Variants in EHD1 observed in about 807,000 individuals in gnomAD.
The protein encoded by EHD1 is EH domain-containing protein 1.
Under a neutral mutation model 39.0 loss-of-function variants are expected in EHD1, and 19 were observed. That is an observed-to-expected ratio of 0.49 (90% CI 0.34 to 0.72). The LOEUF is 0.72. EHD1 is among the 30% of genes least tolerant of loss of function. EHD1 has a pLI of 0.01. For synonymous variants in EHD1, 323 were observed against 331.2 expected, an observed-to-expected ratio of 0.98 and a Z score of 0.27; for missense variants, 542 against 751.5, an observed-to-expected ratio of 0.72 and a Z score of 3.26.
chr11:64,878,439 G>T lies in EHD1; in HGVS notation c.26C>A (p.Ala9Asp). The T allele has an allele frequency of 6.2e-7, 1 of 1,611,588 alleles. No individual in the cohort carries two copies. The highest frequency in any genetic ancestry group is 8.5e-7 in the Non-Finnish European group (1 of 1,179,264). The change falls in exon 1 of 5, where the codon GCC (alanine) becomes GAC (aspartate). Residue 9 changes from alanine to aspartate, a missense_variant. Coordinates refer to ENST00000320631, the MANE Select transcript of EHD1 (RefSeq NM_006795.4). MFSWVSKD[A>D]RRKKEPELFQ... ...GAGCTCCGGCTCCTTCTTGCGGCGG[G>T]CATCCTTGCTGACCCAGCTGAACAT... is the stretch of plus-strand genomic sequence containing the variant.
rs1260210131 is a variant in EHD1, at chr11:64,878,394, C to T, written c.71G>A (p.Gly24Glu). 1 of 1,613,974 alleles carries T rather than the reference C, an allele frequency of 6.2e-7. No individual in the cohort carries two copies. Among genetic ancestry groups the T allele is most frequent in the Non-Finnish European group, 8.5e-7 (1 of 1,180,018 alleles). ...CTTCTGCGCGTACAGCTGCCGCAGCCCCTCAGCCACCGTCTGGAAGAGCTC... is the reference window on the plus strand; with the variant it reads ...CTTCTGCGCGTACAGCTGCCGCAGCTCCTCAGCCACCGTCTGGAAGAGCTC... ...EPELFQTVAE[G>E]LRQLYAQKLL... Residue 24 changes from glycine (G) to glutamate (E), a missense_variant, in exon 1 of 5, where the codon GGG becomes GAG. Transcript: ENST00000320631.
intron 4 of EHD1, chr11:64,855,097 G>A: frequency 1.2e-6 from 1 of 859,150 alleles, no homozygotes; most frequent in Non-Finnish European, 1.7e-6. Context: ...GCCTGGCATG[G>A]CCCTGCCCTC....
Position 64,855,382 on chromosome 11 carries a change from C to G in EHD1, c.1020G>C (p.Gln340His). 1 of 1,614,182 alleles carries G rather than the reference C, an allele frequency of 6.2e-7. No individual in the cohort carries two copies. Among genetic ancestry groups the G allele is most frequent in the Non-Finnish European group, 8.5e-7 (1 of 1,180,026 alleles). Residue 340 changes from glutamine (Q) to histidine (H), a missense_variant, in exon 4 of 5, where the codon CAG (glutamine) becomes CAC (histidine). Gln to His is a conservative substitution (Grantham distance 24). Coordinates refer to ENST00000320631, the MANE Select transcript of EHD1 (RefSeq NM_006795.4). ...AGATCTGGTGCTCGCGCTCAATCTT[C>G]TGGTAGATCTCTCCGAGGTTGTTCA... ...ELVNNLGEIY[Q>H]KIEREHQISP...
chr11:64,874,605 G>A (rs1415421778), intron 1 of EHD1, 87 bp from the exon 2 acceptor site: 8 of 1,067,554 alleles, frequency 7.5e-6, no homozygotes, highest in South Asian at 5.6e-5. Flanking sequence ...GTACTCCTTC[G>A]CTCCATCTCT....
intron 2 of EHD1, among the ~76,000 whole-genome samples, chr11:64,861,673 T>G (rs1943718149): frequency 1.3e-5 from 2 of 152,074 alleles, no homozygotes; most frequent in South Asian, 2.1e-4. Flanking sequence ...ATCCATGGCT[T>G]CTTTTGTCTA....
chr11:64,877,932 G>C, intron 1 of EHD1, 129 bp downstream of exon 1: 1 of 955,760 alleles, frequency 1.0e-6, no homozygotes, highest in Non-Finnish European at 1.5e-6. Flanking sequence ...ACCAGGGAGT[G>C]GTCACTGAGG....
chr11:64,879,658 G>A (rs1247680780), upstream of EHD1: 9 of 1,550,668 alleles, frequency 5.8e-6, no homozygotes, highest in Admixed American at 5.9e-5. Context: ...CATCCTCCCC[G>A]GCCACACACA....
chr11:64,866,707 A>G (rs1345796074), intron 2 of EHD1, among the ~76,000 whole-genome samples: 1 of 151,760 alleles, frequency 6.6e-6, no homozygotes, highest in African/African-American at 2.4e-5. Flanking sequence ...AAGAAAAACT[A>G]CCTATCAGAT....
At chr11:64,861,626 A>C (rs1277735178) in intron 2 of EHD1, among the ~76,000 whole-genome samples, 1 of 152,028 alleles carries the variant, frequency 6.6e-6, no homozygotes, top group East Asian at 1.9e-4. Context: ...TTGTATAAAT[A>C]AAGTTTTATT....
chr11:64,867,514 T>A (rs565858202), intron 2 of EHD1, among the ~76,000 whole-genome samples: 77 of 151,224 alleles, frequency 5.1e-4, no homozygotes, highest in African/African-American at 1.7e-3. Flanking sequence ...AGGTCAAGAG[T>A]TCGAGACCAG....
chr11:64,864,911 G>A (rs1029854227), intron 2 of EHD1, among the ~76,000 whole-genome samples: 1 of 152,134 alleles, frequency 6.6e-6, no homozygotes, highest in African/African-American at 2.4e-5. Flanking sequence ...TGGCTGGGGG[G>A]CCCTGGGGAA....
At chr11:64,873,722 C>T (rs1943854507) in intron 2 of EHD1, among the ~76,000 whole-genome samples, 1 of 151,664 alleles carries the variant, frequency 6.6e-6, no homozygotes, top group African/African-American at 2.4e-5. Context: ...TGTCGCCCAG[C>T]CTGCAGTGCA....
intron 2 of EHD1, among the ~76,000 whole-genome samples, chr11:64,869,233 G>A (rs1277073888): frequency 6.6e-6 from 1 of 152,260 alleles, no homozygotes; most frequent in African/African-American, 2.4e-5. Context: ...CGCGGGCAGC[G>A]CCTGGTACGC....
chr11:64,865,098 C>G (rs937163552), intron 2 of EHD1, among the ~76,000 whole-genome samples: 1 of 152,246 alleles, frequency 6.6e-6, no homozygotes, highest in Non-Finnish European at 1.5e-5. Context: ...CTGTTTATTA[C>G]AGAAAATGTG....
rs764406886 is a variant in EHD1 at position 64,855,395 on chromosome 11, C to A, written c.1007G>T (p.Gly336Val). ...GCGCTCAATCTTCTGGTAGATCTCT[C>A]CGAGGTTGTTCACCAGCTCTTTCTT... ...SKKKELVNNL[G>V]EIYQKIEREH... Residue 336 changes from glycine to valine, a missense_variant, in exon 4 of 5, where the codon GGA (glycine) becomes GTA (valine). Transcript: ENST00000320631. The A allele has an allele frequency of 9.3e-6, 15 of 1,613,958 alleles. No homozygotes were observed. Among genetic ancestry groups the A allele is most frequent in the Non-Finnish European group, 1.2e-5 (14 of 1,179,998 alleles).
intron 1 of EHD1, 200 bp downstream of exon 1, chr11:64,877,861 C>G (rs915155957): frequency 4.4e-6 from 2 of 456,550 alleles, no homozygotes; most frequent in Non-Finnish European, 3.7e-6. Context: ...GCTGGGGGAG[C>G]CGACAACGCC....
rs1201969200 is a variant in EHD1, at chr11:64,878,234, G to A, written c.231C>T (p.His77=). 6.2e-7 allele frequency: 1 copy of A among 1,613,970 alleles called. No homozygotes were observed. Among genetic ancestry groups the A allele is most frequent in the African/African-American group, 1.3e-5 (1 of 75,070 alleles). The stretch of plus-strand genomic sequence containing the variant: ...TCCCCGGGAAGTCCTGCTCGATCAG[G>A]TGTCGGATGAAGGTGGTCTTGCCCG... ...YSTGKTTFIR[H]LIEQDFPGMR... is the part of the protein sequence containing the mutation. The change falls in exon 1 of 5, where the codon CAC becomes CAT. Residue 77 remains histidine (H), a synonymous_variant. Coordinates refer to ENST00000320631, the MANE Select transcript of EHD1 (RefSeq NM_006795.4).
chr11:64,879,559 G>T (rs1943930789), upstream of EHD1: 4 of 1,547,894 alleles, frequency 2.6e-6, no homozygotes, highest in Admixed American at 8.0e-5. Context: ...TTCCTCTCGG[G>T]GTCACCACCA....
chr11:64,855,513 G>A (rs760445501), intron 3 of EHD1, 27 bp from the exon 4 acceptor site: 30 of 1,612,118 alleles, frequency 1.9e-5, no homozygotes, highest in East Asian at 1.1e-4. Flanking sequence ...AGCATCAGGC[G>A]CTCTCTTGGC....
Sources: gnomAD v4.1 joint callset for allele counts (sites outside exome capture counted in the v4.1 genomes callset) on GRCh38, gnomAD v4.1.1 for gene constraint, MANE v1.5 for transcripts, NCBI Gene and HGNC (gene_info 2026-07-23, HGNC 2026-07-21) for gene names.